Variants in ZNF57 observed in about 807,000 individuals in gnomAD.
The protein encoded by ZNF57 is zinc finger protein 57.
Under a neutral mutation model 13.4 loss-of-function variants are expected in ZNF57, and 11 were observed. The ratio of observed to expected loss-of-function variants is 0.82; its 90% CI spans 0.52 to 1.36. The LOEUF is 1.36. ZNF57 is among the 40% of genes most tolerant of loss of function. ZNF57 has a pLI of 0.00. For missense variants in ZNF57, 696 were observed against 667.5 expected (o/e 1.04, Z -0.47); for synonymous variants, 224 against 238.5 (o/e 0.94, Z 0.56).
In ZNF57 at chr19:2,917,871, A is replaced by C; in HGVS notation, c.1250A>C (p.Glu417Ala). 1 of 1,612,026 alleles carries C rather than the reference A, an allele frequency of 6.2e-7. No individual in the cohort carries two copies. The highest frequency in any genetic ancestry group is 1.1e-5 in the South Asian group (1 of 90,760). ...FRGHLRTHTG[E>A]KPYECKQCGK... ...GGTCATTTGAGGACGCACACTGGAG[A>C]GAAGCCTTATGAGTGTAAACAATGT... The change falls in exon 4 of 4, where the codon GAG becomes GCG. Residue 417 changes from glutamate to alanine, a missense_variant. Around this residue, in one of 3 missense-constraint regions of ZNF57, gnomAD observed 645 missense variants for 591.5 expected, o/e 1.09. Coordinates refer to ENST00000306908, the MANE Select transcript of ZNF57 (RefSeq NM_173480.3).
chr19:2,916,180 A>G lies in ZNF57; in HGVS notation c.233A>G (p.Asn78Ser), dbSNP rs748163084. Residue 78 changes from asparagine to serine, a missense_variant, in exon 3 of 4, where the codon AAT (asparagine) becomes AGT (serine). Around this residue, in one of 3 missense-constraint regions of ZNF57, gnomAD observed 645 missense variants for 591.5 expected, o/e 1.09. Transcript: ENST00000306908. ...EQTIPNFTGN[N>S]SCAYTLEKNC... Reference sequence around the variant, plus strand: ...ACAATACCAAACTTCACAGGAAATAATTCCTGTGCCTACACTTTAGAAAAA... The same window carrying G: ...ACAATACCAAACTTCACAGGAAATAGTTCCTGTGCCTACACTTTAGAAAAA... 1 of 1,613,992 alleles carries G rather than the reference A, an allele frequency of 6.2e-7. No homozygotes were observed. Among genetic ancestry groups the G allele is most frequent in the Non-Finnish European group, 8.5e-7 (1 of 1,179,932 alleles).
At position 2,917,674 on chromosome 19, in the gene ZNF57, C is replaced by G; in HGVS notation, c.1053C>G (p.Phe351Leu). 9 of 1,613,648 alleles carry G rather than the reference C, an allele frequency of 5.6e-6. No individual in the cohort carries two copies. The highest frequency in any genetic ancestry group is 7.6e-6 in the Non-Finnish European group (9 of 1,179,914). ...CGKAFTSSRSFQGHLRTHTGE... is the reference protein window; with the variant it reads ...CGKAFTSSRSLQGHLRTHTGE... The stretch of plus-strand genomic sequence containing the variant: ...AGGCTTTTACCTCTTCCAGATCATT[C>G]CAAGGTCATTTGAGGACGCACACTG... Residue 351 changes from phenylalanine (F) to leucine (L), a missense_variant, in exon 4 of 4, where the codon TTC becomes TTG. Around this residue, in one of 3 missense-constraint regions of ZNF57, gnomAD observed 645 missense variants for 591.5 expected, o/e 1.09. Transcript: ENST00000306908.
Position 2,917,754 on chromosome 19 carries a change from C to A in ZNF57, c.1133C>A (p.Thr378Lys), listed in dbSNP as rs369791168. The change falls in exon 4 of 4, where the codon ACG becomes AAG. Residue 378 changes from threonine to lysine, a missense_variant. Thr to Lys is a moderately conservative substitution (Grantham distance 78). Around this residue, in one of 3 missense-constraint regions of ZNF57, gnomAD observed 645 missense variants for 591.5 expected, o/e 1.09. Transcript: ENST00000306908. ...QCGKAFTWSS[T>K]FREHVRIHTQ... Reference sequence around the variant, plus strand: ...GGGAAAGCCTTCACTTGGTCCTCAACGTTTAGAGAACATGTGAGAATTCAC... The same window carrying A: ...GGGAAAGCCTTCACTTGGTCCTCAAAGTTTAGAGAACATGTGAGAATTCAC... The A allele has an allele frequency of 3.7e-6, 6 of 1,613,446 alleles. No homozygotes were observed. The highest frequency in any genetic ancestry group is 1.3e-5 in the African/African-American group (1 of 74,872).
In ZNF57 at chr19:2,916,149, G is replaced by T. The variant is rs1357725271; in HGVS notation, c.202G>T (p.Glu68Ter). 2 of 1,613,746 alleles carry T rather than the reference G, an allele frequency of 1.2e-6. No homozygotes were observed. Among genetic ancestry groups the T allele is most frequent in the African/African-American group, 2.7e-5 (2 of 74,840 alleles). Residue 68 changes from glutamate (E) to a stop codon, truncating the protein, a stop_gained, in exon 3 of 4, where the codon GAA (glutamate) becomes TAA (stop). Transcript: ENST00000306908. LOFTEE classifies it high-confidence loss of function. ...TATGTACGGGCAAGAAAAATCTAAG[G>T]AACAGACAATACCAAACTTCACAGG... ...QDMYGQEKSK[E>*]QTIPNFTGNN... is the part of the protein sequence containing the mutation.
intron 3 of ZNF57, 152 bp from the exon 4 acceptor site, chr19:2,916,772 C>A: frequency 1.7e-6 from 1 of 590,920 alleles, no homozygotes; most frequent in Non-Finnish European, 2.8e-6. Context: ...ATAAATACTG[C>A]ATTAAAAAAT....
chr19:2,901,517 A>AT (rs1318038007), intron 1 of ZNF57, among the ~76,000 whole-genome samples: 53 of 41,794 alleles, frequency 1.3e-3, no homozygotes, highest in African/African-American at 2.8e-3. Context: ...TATTGGTTTT[A>AT]TTTTTTTATT....
intron 1 of ZNF57, chr19:2,912,034 A>G (rs1393272257): frequency 6.6e-6 from 1 of 152,198 alleles, no homozygotes; most frequent in African/African-American, 2.4e-5. Flanking sequence ...GCCAGACGCA[A>G]TGTACTGGGT....
At chr19:2,907,887 T>A (rs2088090218) in intron 1 of ZNF57, among the ~76,000 whole-genome samples, 1 of 152,062 alleles carries the variant, frequency 6.6e-6, no homozygotes, top group African/African-American at 2.4e-5. Context: ...TTAAAAATAA[T>A]AAAAAAATTG....
At chr19:2,914,804 A>C (rs2088174074) in intron 1 of ZNF57, among the ~76,000 whole-genome samples, 1 of 152,146 alleles carries the variant, frequency 6.6e-6, no homozygotes, top group South Asian at 2.1e-4. Flanking sequence ...TATATGCCAA[A>C]ACAGTGCGTT....
chr19:2,903,504 G>T (rs975264491), intron 1 of ZNF57, among the ~76,000 whole-genome samples: 1 of 152,040 alleles, frequency 6.6e-6, no homozygotes, highest in African/African-American at 2.4e-5. Context: ...GAGCCACCGC[G>T]CCCGGCCTGG....
At chr19:2,905,988 G>C (rs557100863) in intron 1 of ZNF57, among the ~76,000 whole-genome samples, 293 of 152,220 alleles carry the variant, frequency 1.9e-3, no homozygotes, top group African/African-American at 6.8e-3. Flanking sequence ...CTCAGTCCGC[G>C]TGCCATCTCT....
Position 2,918,299 on chromosome 19 carries a change from C to T in ZNF57, c.*10C>T. ...TGAGAGCACACACTAAAGAGAAATTCTATAACTTTAATGGGGTAACCTCAC... is the reference window on the plus strand; with the variant it reads ...TGAGAGCACACACTAAAGAGAAATTTTATAACTTTAATGGGGTAACCTCAC... On this transcript the variant is annotated 3_prime_UTR_variant, in exon 4 of 4. Coordinates refer to ENST00000306908, the MANE Select transcript of ZNF57 (RefSeq NM_173480.3). The T allele has an allele frequency of 6.4e-7, 1 of 1,574,528 alleles. No individual in the cohort carries two copies. The highest frequency in any genetic ancestry group is 1.8e-5 in the Admixed American group (1 of 54,200).
chr19:2,916,884 T>A (rs757036236), intron 3 of ZNF57, 40 bp from the exon 4 acceptor site: 36 of 1,507,338 alleles, frequency 2.4e-5, no homozygotes, highest in Non-Finnish European at 3.2e-5. Flanking sequence ...ACATCATTAC[T>A]AAACATACCA....
chr19:2,908,568 C>T (rs2088097936), intron 1 of ZNF57, among the ~76,000 whole-genome samples: 1 of 151,310 alleles, frequency 6.6e-6, no homozygotes, highest in South Asian at 2.1e-4. Flanking sequence ...TACAGGCACC[C>T]GTCACCACGC....
At chr19:2,913,755 C>T (rs2088162213) in intron 1 of ZNF57, among the ~76,000 whole-genome samples, 1 of 152,016 alleles carries the variant, frequency 6.6e-6, no homozygotes. Flanking sequence ...GTTCTCGTGC[C>T]TCACCCTCCC....
chr19:2,917,109 G>C lies in ZNF57; in HGVS notation c.488G>C (p.Cys163Ser). ...CTTAAAAGGCACGTCAAGTCTCACT[G>C]TGGACGAAAAGCACCTCCAGGTGAG... The part of the protein sequence containing the change: ...SSLKRHVKSH[C>S]GRKAPPGEEC... Residue 163 changes from cysteine (C) to serine (S), a missense_variant, in exon 4 of 4, where the codon TGT becomes TCT. Physicochemically the swap from Cys to Ser is moderately radical, Grantham distance 112. This residue lies in a region of ZNF57 where 645 missense variants were observed against 591.5 expected (regional missense o/e 1.09). Transcript: ENST00000306908. The C allele has an allele frequency of 6.2e-7, 1 of 1,614,050 alleles. No individual in the cohort carries two copies. The highest frequency in any genetic ancestry group is 8.5e-7 in the Non-Finnish European group (1 of 1,179,894).
rs765941879 is a variant in ZNF57, at chr19:2,901,012, A to G, written c.-34A>G. The G allele has an allele frequency of 5.8e-6, 9 of 1,555,312 alleles. No individual in the cohort carries two copies. The South Asian group carries it at 1.1e-4, about 18-fold the overall frequency. On this transcript the variant is annotated 5_prime_UTR_variant, in exon 1 of 4. Coordinates refer to ENST00000306908, the MANE Select transcript of ZNF57 (RefSeq NM_173480.3). Reference sequence around the variant, plus strand: ...CTGCGCCGGCCGCGAGGCCACGGAGAGCTCGCCTTGGAGAGCCCAGGAGCA... The same window carrying G: ...CTGCGCCGGCCGCGAGGCCACGGAGGGCTCGCCTTGGAGAGCCCAGGAGCA...
chr19:2,911,613 T>C (rs1341437064), intron 1 of ZNF57, among the ~76,000 whole-genome samples: 1 of 152,114 alleles, frequency 6.6e-6, no homozygotes, highest in Non-Finnish European at 1.5e-5. Flanking sequence ...CTTGAACTCC[T>C]GGCCTCAAGC....
At chr19:2,903,918 T>C (rs1403265872) in intron 1 of ZNF57, among the ~76,000 whole-genome samples, 1 of 152,110 alleles carries the variant, frequency 6.6e-6, no homozygotes, top group East Asian at 1.9e-4. Flanking sequence ...GGTTTCACCC[T>C]GTTAGCCAGG....
Sources: allele counts gnomAD v4.1 joint callset (sites outside exome capture counted in the v4.1 genomes callset), GRCh38; gene constraint gnomAD v4.1.1; regional missense constraint gnomAD v4.1.1; transcripts MANE v1.5; gene names NCBI Gene and HGNC (gene_info 2026-07-23, HGNC 2026-07-21).